Variants in KCNH7 observed in about 807,000 individuals in gnomAD.
The protein encoded by KCNH7 is potassium voltage-gated channel subfamily H member 7.
Under a neutral mutation model 120.8 loss-of-function variants are expected in KCNH7, and 49 were observed. That is an observed-to-expected ratio of 0.41 (90% CI 0.32 to 0.51). KCNH7 has a LOEUF of 0.51. Among genes scored for constraint, KCNH7 ranks in the 20% least tolerant of loss-of-function variants. KCNH7 has a pLI of 0.38. For synonymous variants in KCNH7, 547 were observed against 516.1 expected, an observed-to-expected ratio of 1.06 and a Z score of -0.81; for missense variants, 1,097 against 1,446.6, an observed-to-expected ratio of 0.76 and a Z score of 3.92.
intron 2 of KCNH7, among the ~76,000 whole-genome samples, chr2:162,548,917 C>T (rs917550693): frequency 6.6e-6 from 1 of 152,016 alleles, no homozygotes; most frequent in Admixed American, 6.5e-5. Flanking sequence ...TCAAAGAGTA[C>T]GTTTGAGTTC....
intron 2 of KCNH7, 62 bp from the exon 3 acceptor site, chr2:162,537,142 C>T (rs1237284082): frequency 1.5e-6 from 2 of 1,305,584 alleles, no homozygotes; most frequent in African/African-American, 2.9e-5. Flanking sequence ...TATCAAGTAA[C>T]ATTAAAATTG....
At chr2:162,658,362 T>A (rs1684845194) in intron 2 of KCNH7, among the ~76,000 whole-genome samples, 1 of 152,150 alleles carries the variant, frequency 6.6e-6, no homozygotes, top group South Asian at 2.1e-4. Context: ...TTGTTTATTC[T>A]TTTGTCAATA....
chr2:162,670,991 A>C (rs142455842), intron 2 of KCNH7, among the ~76,000 whole-genome samples: 2 of 152,292 alleles, frequency 1.3e-5, no homozygotes, highest in East Asian at 3.9e-4. Context: ...ATCATTAATC[A>C]TCAGAGAAAT....
At chr2:162,641,098 C>A (rs1684141287) in intron 2 of KCNH7, among the ~76,000 whole-genome samples, 1 of 151,994 alleles carries the variant, frequency 6.6e-6, no homozygotes, top group African/African-American at 2.4e-5. Context: ...AATGATACAG[C>A]CATTATGGAA....
chr2:162,530,834 T>C (rs925773765), intron 3 of KCNH7, among the ~76,000 whole-genome samples: 23 of 151,948 alleles, frequency 1.5e-4, no homozygotes, highest in Non-Finnish European at 5.9e-5. Context: ...CAGCAGGGGT[T>C]TGCCAAAGAT....
At chr2:162,416,069 T>C (rs1306470807) in intron 9 of KCNH7, among the ~76,000 whole-genome samples, 2 of 152,140 alleles carry the variant, frequency 1.3e-5, no homozygotes, top group African/African-American at 4.8e-5. Context: ...CTGACCTCAG[T>C]GTGGTGTTGC....
chr2:162,834,174 C>T (rs2105624315), intron 2 of KCNH7, among the ~76,000 whole-genome samples: 1 of 152,124 alleles, frequency 6.6e-6, no homozygotes, highest in South Asian at 2.1e-4. Flanking sequence ...ATCTCATAAG[C>T]TCTAACTGAT....
At chr2:162,547,108 G>A (rs572653834) in intron 2 of KCNH7, among the ~76,000 whole-genome samples, 61 of 152,212 alleles carry the variant, frequency 4.0e-4, no homozygotes, top group South Asian at 1.9e-3. Context: ...GTTACATGGC[G>A]GCAGGTGAGA....
intron 2 of KCNH7, among the ~76,000 whole-genome samples, chr2:162,651,081 C>T (rs1218454484): frequency 1.3e-5 from 2 of 152,054 alleles, no homozygotes. Flanking sequence ...CTAACACTGC[C>T]CAAAGGTATA....
chr2:162,481,965 C>CTATCATCT, intron 6 of KCNH7, among the ~76,000 whole-genome samples: 1 of 151,212 alleles, frequency 6.6e-6, no homozygotes, highest in African/African-American at 2.4e-5. Context: ...ATCTATCTAT[C>CTATCATCT]ATCTATCTAT....
chr2:162,510,690 C>T (rs1369891111), intron 5 of KCNH7, among the ~76,000 whole-genome samples: 2 of 151,642 alleles, frequency 1.3e-5, no homozygotes, highest in Non-Finnish European at 3.0e-5. Flanking sequence ...ATTTTGTACA[C>T]AAAGCAGTGT....
At chr2:162,465,670 A>G (rs1468913) in intron 6 of KCNH7, among the ~76,000 whole-genome samples, 152,290 of 152,298 alleles carry the variant, frequency 1, 76,141 homozygotes, top group Middle Eastern at 1. Context: ...CATTGTATTC[A>G]TTGAGGTTAT....
rs182464697 is a variant in KCNH7, at chr2:162,655,621, C to T, written c.308-118541G>A. ...CCAACAAGGTGAAACCCCATCTCTA[C>T]TAAAAATAAAGAAAAAAAAAAATTA... On this transcript the variant is annotated intron_variant, in intron 2 of 15. Coordinates refer to ENST00000332142, the MANE Select transcript of KCNH7 (RefSeq NM_033272.4). 5.7e-3 allele frequency among the ~76,000 whole-genome samples: 836 copies of T among 145,482 alleles called. 8 individuals carry two copies. Among genetic ancestry groups the T allele is most frequent in the African/African-American group, 0.022 (796 of 36,720 alleles).
intron 2 of KCNH7, among the ~76,000 whole-genome samples, chr2:162,719,860 CTT>C (rs1687262732): frequency 6.6e-6 from 1 of 151,986 alleles, no homozygotes; most frequent in East Asian, 1.9e-4. Context: ...TGTTAAGAGT[CTT>C]TGTTTAAATA....
chr2:162,577,337 C>CCATCCT (rs755812041), intron 2 of KCNH7, among the ~76,000 whole-genome samples: 22 of 122,634 alleles, frequency 1.8e-4, no homozygotes, highest in African/African-American at 5.7e-4. Flanking sequence ...ATCTGTCTAT[C>CCATCCT]ATCTATCCAT....
chr2:162,400,093 T>C, intron 10 of KCNH7, 96 bp downstream of exon 10: 1 of 1,333,186 alleles, frequency 7.5e-7, no homozygotes, highest in Non-Finnish European at 1.0e-6. Context: ...ACTGTTCTTA[T>C]GAATACATAC....
intron 2 of KCNH7, among the ~76,000 whole-genome samples, chr2:162,620,019 G>T (rs569447567): frequency 6.6e-6 from 1 of 151,474 alleles, no homozygotes; most frequent in Non-Finnish European, 1.5e-5. Flanking sequence ...GACCTGTGCT[G>T]TTCTCAGACC....
At chr2:162,693,993 T>C (rs930128062) in intron 2 of KCNH7, among the ~76,000 whole-genome samples, 1 of 152,194 alleles carries the variant, frequency 6.6e-6, no homozygotes, top group African/African-American at 2.4e-5. Flanking sequence ...AAAAAGCCTG[T>C]GAAGATTGAT....
At chr2:162,830,977 T>G (rs1337743892) in intron 2 of KCNH7, among the ~76,000 whole-genome samples, 1 of 152,158 alleles carries the variant, frequency 6.6e-6, no homozygotes, top group East Asian at 1.9e-4. Context: ...AACACAATAC[T>G]TGAAATCCCA....
Sources: gnomAD v4.1 joint callset for allele counts (sites outside exome capture counted in the v4.1 genomes callset) on GRCh38, gnomAD v4.1.1 for gene constraint, MANE v1.5 for transcripts, NCBI Gene and HGNC (gene_info 2026-07-23, HGNC 2026-07-21) for gene names.